Variants in CCDC102B observed in about 807,000 individuals in gnomAD.
The protein encoded by CCDC102B is coiled-coil domain containing 102B.
CCDC102B carries 75 observed loss-of-function variants against 57.4 expected under a neutral mutation model. The observed-to-expected ratio is 1.31, with a 90% CI of 1.08 to 1.58. CCDC102B has a LOEUF of 1.58. CCDC102B is among the 40% of genes most tolerant of loss of function. CCDC102B has a pLI of 0.00. For synonymous variants in CCDC102B, 206 were observed against 201.9 expected (o/e 1.02, Z -0.17); for missense variants, 636 against 582.6 (o/e 1.09, Z -0.94).
chr18:68,967,488 T>G (rs1216769922), intron 6 of CCDC102B, among the ~76,000 whole-genome samples: 1 of 152,120 alleles, frequency 6.6e-6, no homozygotes, highest in East Asian at 1.9e-4. Flanking sequence ...AAGATTAGAT[T>G]TGAACGAAGA....
chr18:68,786,209 C>T (rs2144647050), intron 2 of CCDC102B, among the ~76,000 whole-genome samples: 1 of 152,052 alleles, frequency 6.6e-6, no homozygotes, highest in Admixed American at 6.5e-5. Context: ...GGTACCAGTA[C>T]CATGCTGTTT....
At chr18:68,885,669 A>G (rs1004402867) in intron 5 of CCDC102B, among the ~76,000 whole-genome samples, 2 of 151,854 alleles carry the variant, frequency 1.3e-5, no homozygotes, top group African/African-American at 4.8e-5. Context: ...AATAATATAG[A>G]TTAGAATAGT....
chr18:68,857,480 A>G (rs1355557762), intron 4 of CCDC102B, among the ~76,000 whole-genome samples: 1 of 144,458 alleles, frequency 6.9e-6, no homozygotes, highest in Non-Finnish European at 1.5e-5. Flanking sequence ...AAATTATTGT[A>G]GACTTTATTT....
intron 6 of CCDC102B, among the ~76,000 whole-genome samples, chr18:68,958,569 A>G (rs1047112910): frequency 1.3e-5 from 2 of 152,094 alleles, no homozygotes; most frequent in African/African-American, 4.8e-5. Context: ...GTTTTCTTTT[A>G]TTATCTCTTT....
chr18:68,739,982 G>T (rs2033313096), intron 2 of CCDC102B, among the ~76,000 whole-genome samples: 1 of 152,154 alleles, frequency 6.6e-6, no homozygotes, highest in Non-Finnish European at 1.5e-5. Context: ...GAATTAAGTG[G>T]TATTCTAAAA....
chr18:68,836,029 A>G (rs929013787), intron 1 of CCDC102B, among the ~76,000 whole-genome samples: 10 of 152,174 alleles, frequency 6.6e-5, no homozygotes, highest in Non-Finnish European at 1.5e-4. Context: ...CCTATAGATC[A>G]ATAGGTTGTG....
chr18:68,974,670 A>T (rs896199195), intron 6 of CCDC102B, among the ~76,000 whole-genome samples: 1 of 151,966 alleles, frequency 6.6e-6, no homozygotes, highest in African/African-American at 2.4e-5. Flanking sequence ...TATAAATACT[A>T]AAAGCATTAT....
chr18:68,848,322 G>A (rs753271775), intron 4 of CCDC102B, among the ~76,000 whole-genome samples: 3 of 151,720 alleles, frequency 2.0e-5, no homozygotes, highest in African/African-American at 4.8e-5. Flanking sequence ...TGCATTTATC[G>A]TAGCTCATCA....
intron 1 of CCDC102B, among the ~76,000 whole-genome samples, chr18:68,825,456 G>A (rs1053618799): frequency 2.6e-5 from 4 of 152,120 alleles, no homozygotes; most frequent in Admixed American, 1.3e-4. Context: ...TTGGGAGGCC[G>A]AGGTGGGCAG....
At chr18:68,788,564 A>T in intron 2 of CCDC102B, among the ~76,000 whole-genome samples, 1 of 150,414 alleles carries the variant, frequency 6.6e-6, no homozygotes, top group Non-Finnish European at 1.5e-5. Context: ...TGTTGAATTG[A>T]TCCCTTTACC....
intron 6 of CCDC102B, among the ~76,000 whole-genome samples, chr18:68,899,498 G>A (rs2040363378): frequency 6.6e-6 from 1 of 151,944 alleles, no homozygotes; most frequent in Admixed American, 6.6e-5. Flanking sequence ...CCATACATGA[G>A]TGAGGCAGTG....
At chr18:68,972,231 C>A (rs1156989971) in intron 6 of CCDC102B, among the ~76,000 whole-genome samples, 1 of 152,148 alleles carries the variant, frequency 6.6e-6, no homozygotes, top group African/African-American at 2.4e-5. Context: ...GTTTCTTCGA[C>A]CATGAAAAAA....
chr18:68,747,025 A>G (rs2033646563), intron 2 of CCDC102B, among the ~76,000 whole-genome samples: 1 of 152,036 alleles, frequency 6.6e-6, no homozygotes, highest in African/African-American at 2.4e-5. Context: ...TGTAATGAGC[A>G]ATTCAGCATA....
intron 5 of CCDC102B, among the ~76,000 whole-genome samples, chr18:68,887,513 C>T (rs1291407856): frequency 6.6e-6 from 1 of 152,152 alleles, no homozygotes; most frequent in Non-Finnish European, 1.5e-5. Flanking sequence ...CTTATGTAAT[C>T]GATCCATAGG....
chr18:68,907,319 T>C (rs530843033), intron 6 of CCDC102B, among the ~76,000 whole-genome samples: 1 of 151,924 alleles, frequency 6.6e-6, no homozygotes, highest in East Asian at 1.9e-4. Flanking sequence ...GAGAATCAGC[T>C]TTTCCATTTT....
At chr18:68,913,917 G>T (rs1479084178) in intron 6 of CCDC102B, among the ~76,000 whole-genome samples, 2 of 152,072 alleles carry the variant, frequency 1.3e-5, no homozygotes, top group Admixed American at 1.3e-4. Context: ...GTTTTTAAAA[G>T]TTGGATTATG....
intron 6 of CCDC102B, among the ~76,000 whole-genome samples, chr18:68,999,056 G>C (rs1453103421): frequency 7.0e-6 from 1 of 143,770 alleles, no homozygotes; most frequent in African/African-American, 2.6e-5. Flanking sequence ...ATAAAATAAT[G>C]AACATTATTG....
intron 6 of CCDC102B, among the ~76,000 whole-genome samples, chr18:68,939,867 G>T (rs1404826789): frequency 1.3e-5 from 2 of 151,714 alleles, no homozygotes; most frequent in African/African-American, 2.4e-5. Flanking sequence ...ACTCCATTAA[G>T]GTACATAAAC....
At chr18:69,014,711 TG>T in intron 7 of CCDC102B, among the ~76,000 whole-genome samples, 1 of 151,420 alleles carries the variant, frequency 6.6e-6, no homozygotes, top group African/African-American at 2.4e-5. Flanking sequence ...GTTTTTTTTG[TG>T]TGTGTGTGTG....
Sources: allele counts gnomAD v4.1 joint callset (sites outside exome capture counted in the v4.1 genomes callset), GRCh38; gene constraint gnomAD v4.1.1; transcripts MANE v1.5; gene names NCBI Gene and HGNC (gene_info 2026-07-23, HGNC 2026-07-21).